Variants in FSD1L observed in about 807,000 individuals in gnomAD.
FSD1L encodes the protein fibronectin type III and SPRY domain containing 1 like.
A neutral mutation model predicts 71.6 loss-of-function variants in FSD1L; 45 were observed. That is an observed-to-expected ratio of 0.63 (90% confidence interval 0.49 to 0.81). The LOEUF (loss-of-function observed/expected upper bound fraction) is 0.81. FSD1L is among the 30% of genes least tolerant of loss of function. The probability of loss-of-function intolerance (pLI) is 0.00; values close to 1 mark genes in which losing one functional copy is unlikely to be tolerated. For synonymous variants in FSD1L, 197 were observed against 207.2 expected (o/e 0.95, Z 0.42); for missense variants, 561 against 618.1 (o/e 0.91, Z 0.98).
At chr9:105,442,520 C>T in the FSD1L span, among the ~76,000 whole-genome samples, 1 of 143,756 alleles carries the variant, frequency 7.0e-6, no homozygotes, top group Non-Finnish European at 1.5e-5. Context: ...CTCTACAAAA[C>T]ATAAAAAAAA....
At chr9:105,514,182 G>A (rs1834562327) in intron 10 of FSD1L, among the ~76,000 whole-genome samples, 1 of 152,132 alleles carries the variant, frequency 6.6e-6, no homozygotes, top group Admixed American at 6.5e-5. Flanking sequence ...AAACCAGAAT[G>A]TGTTCTCTTT....
At chr9:105,449,190 A>G (rs560348201) in intron 1 of FSD1L, among the ~76,000 whole-genome samples, 2 of 152,312 alleles carry the variant, frequency 1.3e-5, no homozygotes, top group South Asian at 2.1e-4. Context: ...GTTTTCTACA[A>G]TTTTGTCTAC....
intron 1 of FSD1L, among the ~76,000 whole-genome samples, chr9:105,460,616 A>G (rs1479027453): frequency 2.0e-5 from 3 of 149,812 alleles, no homozygotes; most frequent in African/African-American, 7.3e-5. Context: ...AAAAAGATTG[A>G]CTGTAATCTA....
intron 1 of FSD1L, among the ~76,000 whole-genome samples, chr9:105,458,000 G>C (rs1441164280): frequency 6.6e-6 from 1 of 152,258 alleles, no homozygotes; most frequent in Non-Finnish European, 1.5e-5. Context: ...GAGCCCCAAG[G>C]GGTCGGGGGC....
At position 105,550,104 on chromosome 9, in the gene FSD1L, TTGTA is replaced by T. The variant is rs1457803751; in HGVS notation, c.*3626_*3629del. The T allele has an allele frequency of 6.6e-6, 1 of 152,046 alleles. No individual in the cohort carries two copies. Among genetic ancestry groups the T allele is most frequent in the Non-Finnish European group, 1.5e-5 (1 of 67,904 alleles). 9.4% of individuals were successfully genotyped at this position (152,046 alleles called of 1,614,324 possible). A position where few individuals can be genotyped will look rare whatever the true frequency, so the allele number is the denominator to read the frequency against. On this transcript the variant is annotated 3_prime_UTR_variant, in exon 14 of 14. Coordinates refer to ENST00000481272, the MANE Select transcript of FSD1L (RefSeq NM_001145313.3). Reference sequence around the variant, plus strand: ...ATATGGCAGTAAAAATGTGATTACTTTGTATGTACATTAACCAAAACCAGTGAAG... The same window carrying T: ...ATATGGCAGTAAAAATGTGATTACTTTGTACATTAACCAAAACCAGTGAAG...
upstream of FSD1L, chr9:105,447,969 G>C (rs1253260372): frequency 1.3e-5 from 7 of 540,016 alleles, no homozygotes; most frequent in African/African-American, 2.0e-5. Context: ...GCTACTTCCC[G>C]GGAGCAGTCA....
chr9:105,482,949 G>T (rs906668426), intron 6 of FSD1L, among the ~76,000 whole-genome samples: 1 of 152,176 alleles, frequency 6.6e-6, no homozygotes, highest in Non-Finnish European at 1.5e-5. Flanking sequence ...GATTCAGTGA[G>T]CATTTAGTAA....
At chr9:105,515,385 G>A (rs1003044834) in intron 10 of FSD1L, among the ~76,000 whole-genome samples, 1 of 152,166 alleles carries the variant, frequency 6.6e-6, no homozygotes, top group Non-Finnish European at 1.5e-5. Context: ...TGCCAGATTT[G>A]ATCTTTAAGA....
At chr9:105,511,965 C>CTG (rs1045081506) in intron 9 of FSD1L, among the ~76,000 whole-genome samples, 1 of 151,992 alleles carries the variant, frequency 6.6e-6, no homozygotes, top group Admixed American at 6.6e-5. Flanking sequence ...TAGTTAGTAA[C>CTG]TGTGTAATAG....
In FSD1L at chr9:105,546,755, G is replaced by T; in HGVS notation, c.*272G>T. On this transcript the variant is annotated 3_prime_UTR_variant, in exon 14 of 14. Coordinates refer to ENST00000481272, the MANE Select transcript of FSD1L (RefSeq NM_001145313.3). The stretch of plus-strand genomic sequence containing the variant: ...TTAATTAACATAAAAACTCATTTTT[G>T]TATTTCTTGGATTACTTTGACTATT... 1 of 218,008 alleles carries T rather than the reference G, an allele frequency of 4.6e-6. No individual in the cohort carries two copies. The highest frequency in any genetic ancestry group is 9.0e-6 in the Non-Finnish European group (1 of 111,652). 13.5% of individuals were successfully genotyped at this position (218,008 alleles called of 1,614,324 possible).
intron 7 of FSD1L, among the ~76,000 whole-genome samples, chr9:105,489,494 T>C (rs1393990843): frequency 6.6e-6 from 1 of 151,914 alleles, no homozygotes; most frequent in Non-Finnish European, 1.5e-5. Flanking sequence ...CTTTGCAGTT[T>C]TATGTTTTTT....
intron 10 of FSD1L, chr9:105,523,166 T>G (rs995595500): frequency 1.9e-5 from 31 of 1,613,812 alleles, no homozygotes; most frequent in Non-Finnish European, 2.4e-5. Context: ...CAAGCAGTCT[T>G]AATCAGCAAG....
At chr9:105,480,540 A>G (rs903615185) in intron 6 of FSD1L, among the ~76,000 whole-genome samples, 27 of 152,110 alleles carry the variant, frequency 1.8e-4, no homozygotes, top group African/African-American at 6.3e-4. Context: ...TATCCGCCCA[A>G]CTTGGCCTCC....
chr9:105,527,944 A>G (rs543324760), intron 10 of FSD1L, among the ~76,000 whole-genome samples: 1 of 152,314 alleles, frequency 6.6e-6, no homozygotes, highest in South Asian at 2.1e-4. Flanking sequence ...AACTTCAGCA[A>G]AGTCTCAGGA....
chr9:105,506,727 G>A, intron 8 of FSD1L, 119 bp downstream of exon 8: 4 of 696,250 alleles, frequency 5.7e-6, no homozygotes, highest in Non-Finnish European at 9.6e-6. Flanking sequence ...TGAGTTTTTA[G>A]ATACTCAGTA....
At position 105,448,123 on chromosome 9, in the gene FSD1L, A is replaced by G. The variant is rs1829737258; in HGVS notation, c.-98A>G. The G allele has an allele frequency of 1.6e-6, 2 of 1,275,678 alleles. No individual in the cohort carries two copies. Among genetic ancestry groups the G allele is most frequent in the Non-Finnish European group, 2.2e-6 (2 of 903,696 alleles). 79.0% of individuals were successfully genotyped at this position (1,275,678 alleles called of 1,614,324 possible). A position where few individuals can be genotyped will look rare whatever the true frequency, so the allele number is the denominator to read the frequency against. On this transcript the variant is annotated 5_prime_UTR_variant, in exon 1 of 14. Transcript: ENST00000481272. Reference sequence around the variant, plus strand: ...GGGCGGTGCCGGTGCGGGCTGGGGCAGTGCAGTGAGTAGCGGTCTTGGGGT... The same window carrying G: ...GGGCGGTGCCGGTGCGGGCTGGGGCGGTGCAGTGAGTAGCGGTCTTGGGGT...
chr9:105,524,684 C>G, intron 10 of FSD1L: 1 of 1,613,954 alleles, frequency 6.2e-7, no homozygotes, highest in South Asian at 1.1e-5. Context: ...AGCCTCTGCG[C>G]TCTCCTGACT....
chr9:105,458,955 CTG>C (rs746231241), intron 1 of FSD1L, among the ~76,000 whole-genome samples: 73 of 152,226 alleles, frequency 4.8e-4, no homozygotes, highest in Non-Finnish European at 8.5e-4. Context: ...GAGGGATAGA[CTG>C]GGGTAGAAAA....
upstream of FSD1L, chr9:105,448,011 G>GC (rs1455126704): frequency 3.4e-6 from 2 of 591,972 alleles, no homozygotes; most frequent in East Asian, 3.4e-5. Flanking sequence ...GCGCTCCTCA[G>GC]CCCCTCCCTT....
Sources: allele counts gnomAD v4.1 joint callset (sites outside exome capture counted in the v4.1 genomes callset), GRCh38; gene constraint gnomAD v4.1.1; transcripts MANE v1.5; gene names NCBI Gene and HGNC (gene_info 2026-07-23, HGNC 2026-07-21).